Variants in PRKCB observed in about 807,000 individuals in gnomAD.
The protein encoded by PRKCB is protein kinase C beta type.
In PRKCB, 13 loss-of-function variants were observed where a neutral mutation model predicts 81.5. The ratio of observed to expected loss-of-function variants is 0.16; its 90% CI spans 0.10 to 0.25. The LOEUF (loss-of-function observed/expected upper bound fraction) is 0.25. Among genes scored for constraint, PRKCB ranks in the 10% least tolerant of loss-of-function variants. The probability of loss-of-function intolerance (pLI) is 1.00; values close to 1 mark genes in which losing one functional copy is unlikely to be tolerated. For missense variants in PRKCB, 509 were observed against 875.7 expected, an observed-to-expected ratio of 0.58 and a Z score of 5.29; for synonymous variants, 335 against 321.4, an observed-to-expected ratio of 1.04 and a Z score of -0.45.
At chr16:24,110,499 C>G (rs947062069) in intron 7 of PRKCB, among the ~76,000 whole-genome samples, 1 of 148,532 alleles carries the variant, frequency 6.7e-6, no homozygotes, top group Non-Finnish European at 1.5e-5. Flanking sequence ...GCATAAGCCA[C>G]CATGCCCAAC....
At chr16:24,107,196 C>T (rs1376152655) in intron 7 of PRKCB, among the ~76,000 whole-genome samples, 3 of 152,190 alleles carry the variant, frequency 2.0e-5, no homozygotes, top group Non-Finnish European at 2.9e-5. Flanking sequence ...CACAGATGCA[C>T]CAACCTCTTG....
intron 3 of PRKCB, among the ~76,000 whole-genome samples, chr16:23,993,442 A>C (rs1340312544): frequency 6.6e-6 from 1 of 152,160 alleles, no homozygotes; most frequent in African/African-American, 2.4e-5. Context: ...AATGTAGAGG[A>C]AAGGATTCAA....
At chr16:24,182,194 T>G (rs1874162) in intron 13 of PRKCB, among the ~76,000 whole-genome samples, 25,356 of 152,040 alleles carry the variant, frequency 0.17, 2,678 homozygotes, top group South Asian at 0.32. Flanking sequence ...CAACTCTAAC[T>G]GCAGTTTAGA....
rs538963779 is a variant in PRKCB, at chr16:24,217,549, C to T, written c.*2733C>T. ...GAAGCTTATTCTCTCCCAACTTCTACGGTAAAATCCAGGAGTATTTTCTCT... is the reference window on the plus strand; with the variant it reads ...GAAGCTTATTCTCTCCCAACTTCTATGGTAAAATCCAGGAGTATTTTCTCT... On this transcript the variant is annotated 3_prime_UTR_variant, in exon 17 of 17. Transcript: ENST00000643927. 4.3e-5 allele frequency: 42 copies of T among 985,440 alleles called. No homozygotes were observed. The Admixed American group carries it at 4.9e-4, about 12-fold the overall frequency. The allele number at this position is 985,440 out of a possible 1,614,324, so 61.0% of individuals were successfully genotyped here.
At chr16:24,082,820 G>A (rs1382443144) in intron 5 of PRKCB, among the ~76,000 whole-genome samples, 2 of 147,578 alleles carry the variant, frequency 1.4e-5, no homozygotes, top group African/African-American at 2.5e-5. Flanking sequence ...ACTTAAAAAC[G>A]TGACCCATAA....
intron 2 of PRKCB, among the ~76,000 whole-genome samples, chr16:23,977,486 T>C (rs1445638976): frequency 1.3e-5 from 2 of 152,116 alleles, no homozygotes; most frequent in Admixed American, 1.3e-4. Flanking sequence ...GAGCCAGGAC[T>C]GAGAACTAGT....
Position 24,199,188 on chromosome 16 carries a change from C to T in PRKCB, c.1863+7958C>T, listed in dbSNP as rs117996176. Among the ~76,000 whole-genome samples, 42 of 152,304 alleles carry T rather than the reference C, an allele frequency of 2.8e-4. No homozygotes were observed. In the East Asian group the frequency reaches 4.6e-3, roughly 17 times the overall value. On this transcript the variant is annotated intron_variant, in intron 16 of 16. Transcript: ENST00000643927. Reference sequence around the variant, plus strand: ...GGCTATCTGATCACATCCCATTGCCCGTATCCTCTGAGAGTCTAAATGCTG... The same window carrying T: ...GGCTATCTGATCACATCCCATTGCCTGTATCCTCTGAGAGTCTAAATGCTG...
At chr16:23,878,147 C>A (rs544167123) in intron 2 of PRKCB, among the ~76,000 whole-genome samples, 1 of 152,260 alleles carries the variant, frequency 6.6e-6, no homozygotes, top group African/African-American at 2.4e-5. Flanking sequence ...CACTTCTTGT[C>A]ATTCACAGTA....
chr16:23,890,450 T>G (rs1445381086), intron 2 of PRKCB, among the ~76,000 whole-genome samples: 1 of 152,164 alleles, frequency 6.6e-6, no homozygotes, highest in Non-Finnish European at 1.5e-5. Context: ...TTTCTGTTAC[T>G]TCTATGAAAC....
intron 2 of PRKCB, among the ~76,000 whole-genome samples, chr16:23,946,041 A>C (rs1041593362): frequency 6.6e-6 from 1 of 152,294 alleles, no homozygotes; most frequent in Non-Finnish European, 1.5e-5. Context: ...GCTTGTAGCA[A>C]CTCTGAAACC....
intron 2 of PRKCB, among the ~76,000 whole-genome samples, chr16:23,883,693 G>C (rs1963157442): frequency 6.6e-6 from 1 of 152,104 alleles, no homozygotes; most frequent in Non-Finnish European, 1.5e-5. Flanking sequence ...AGATTTGGGA[G>C]GTAAAAGGAC....
At chr16:24,012,824 C>T in intron 3 of PRKCB, among the ~76,000 whole-genome samples, 1 of 152,230 alleles carries the variant, frequency 6.6e-6, no homozygotes. Flanking sequence ...AGGGTCCCTC[C>T]AGCCTTTGCT....
intron 16 of PRKCB, among the ~76,000 whole-genome samples, chr16:24,206,959 C>T (rs903092006): frequency 6.6e-6 from 1 of 152,246 alleles, no homozygotes; most frequent in Non-Finnish European, 1.5e-5. Context: ...GAGACAGGGT[C>T]TCACTCTGTC....
rs778819280 is a variant in PRKCB, at chr16:24,218,742, C to T, written c.*3926C>T. ...CGCTAATGAGTCAGTGAATCCTTAC[C>T]GACCCCCTGGCCTTTATAATCTGAG... On this transcript the variant is annotated 3_prime_UTR_variant, in exon 17 of 17. Transcript: ENST00000643927. 102 of 985,286 alleles carry T rather than the reference C, an allele frequency of 1.0e-4. No individual in the cohort carries two copies. Among genetic ancestry groups the T allele is most frequent in the Admixed American group, 1.8e-4 (3 of 16,244 alleles). The allele number at this position is 985,286 out of a possible 1,614,324, so 61.0% of individuals were successfully genotyped here. A position where few individuals can be genotyped will look rare whatever the true frequency, so the allele number is the denominator to read the frequency against.
chr16:24,214,570 C>T, intron 16 of PRKCB, 88 bp from the exon 17 acceptor site: 2 of 1,067,264 alleles, frequency 1.9e-6, no homozygotes, highest in Non-Finnish European at 2.8e-6. Context: ...GAAAAGCACA[C>T]CCAATTATGC....
chr16:24,021,021 T>TTTCC (rs1965363010), intron 3 of PRKCB, among the ~76,000 whole-genome samples: 1 of 130,172 alleles, frequency 7.7e-6, no homozygotes, highest in African/African-American at 2.9e-5. Flanking sequence ...TCTTTCTTTC[T>TTTCC]TTCTTTCTTT....
At chr16:24,193,023 G>A (rs1596591912) in intron 16 of PRKCB, among the ~76,000 whole-genome samples, 3 of 152,032 alleles carry the variant, frequency 2.0e-5, no homozygotes, top group South Asian at 4.2e-4. Flanking sequence ...GCAGTAGCGC[G>A]ATCATAGCTT....
rs1491512020 is a variant in PRKCB at position 23,873,190 on chromosome 16, A to ACAC, written c.205+35784_205+35785insCAC. Among the ~76,000 whole-genome samples the ACAC allele has an allele frequency of 6.9e-5, 3 of 43,194 alleles. No homozygotes were observed. The East Asian group carries it at 1.9e-3, about 28-fold the overall frequency. 28.3% of individuals were successfully genotyped at this position (43,194 alleles called of 152,430 possible). ...TAAAAACACACACACACACACACACAAAAAAAAAAAAAAAAAAAAGAAAAA... is the reference window on the plus strand; with the variant it reads ...TAAAAACACACACACACACACACACACACAAAAAAAAAAAAAAAAAAAGAAAAA... On this transcript the variant is annotated intron_variant, in intron 2 of 16. Transcript: ENST00000643927.
chr16:23,882,246 A>AT (rs1459859792), intron 2 of PRKCB, among the ~76,000 whole-genome samples: 7 of 149,584 alleles, frequency 4.7e-5, no homozygotes, highest in Admixed American at 6.7e-5. Flanking sequence ...TGCCCGGTTA[A>AT]TTTTTTTCTT....
Sources: allele counts gnomAD v4.1 joint callset (sites outside exome capture counted in the v4.1 genomes callset), GRCh38; gene constraint gnomAD v4.1.1; transcripts MANE v1.5; gene names NCBI Gene and HGNC (gene_info 2026-07-23, HGNC 2026-07-21).